CMTM4: variants seen among roughly 807,000 people sequenced by gnomAD.
CMTM4 encodes the protein CKLF-like MARVEL transmembrane domain-containing protein 4.
CMTM4 carries 8 observed loss-of-function variants against 19.0 expected under a neutral mutation model. The observed-to-expected ratio is 0.42, with a 90% CI of 0.25 to 0.76. CMTM4 has a LOEUF of 0.76. CMTM4 is among the 30% of genes least tolerant of loss of function. The probability of loss-of-function intolerance (pLI) is 0.27; values close to 1 mark genes in which losing one functional copy is unlikely to be tolerated. For synonymous variants in CMTM4, 106 were observed against 121.1 expected (o/e 0.88, Z 0.82); for missense variants, 228 against 290.2 (o/e 0.79, Z 1.56).
rs1301996648 is a variant in CMTM4 at position 66,617,213 on chromosome 16, CAT to C, written c.*4843_*4844del. 86 of 1,520,994 alleles carry C rather than the reference CAT, an allele frequency of 5.7e-5. No individual in the cohort carries two copies. The highest frequency in any genetic ancestry group is 7.3e-5 in the Non-Finnish European group (81 of 1,109,150). The allele number at this position is 1,520,994 out of a possible 1,614,324, so 94.2% of individuals were successfully genotyped here. A position where few individuals can be genotyped will look rare whatever the true frequency, so the allele number is the denominator to read the frequency against. On this transcript the variant is annotated 3_prime_UTR_variant, in exon 4 of 4. Transcript: ENST00000394106. ...TAAAGCCTCAGCATAAAAAAACAAA[CAT>C]AGACAACAAACTTACCCTATGAAAT... is the stretch of plus-strand genomic sequence containing the variant.
chr16:66,639,380 A>G (rs929024231), intron 1 of CMTM4, among the ~76,000 whole-genome samples: 2 of 152,216 alleles, frequency 1.3e-5, no homozygotes, highest in Non-Finnish European at 2.9e-5. Flanking sequence ...GGCTTCACGG[A>G]TATGCAAATC....
At chr16:66,603,609 C>T in the CMTM4 span, among the ~76,000 whole-genome samples, 59 of 152,142 alleles carry the variant, frequency 3.9e-4, 1 homozygote, top group Admixed American at 3.9e-3. Context: ...TTAAACAAAA[C>T]ATCTTGCCCT....
intron 2 of CMTM4, among the ~76,000 whole-genome samples, chr16:66,635,636 C>T (rs746911914): frequency 3.3e-5 from 5 of 152,352 alleles, no homozygotes; most frequent in East Asian, 3.9e-4. Context: ...GAGGTGCCCA[C>T]GGCGTTCTCA....
At chr16:66,598,810 C>T in the CMTM4 span, among the ~76,000 whole-genome samples, 2 of 152,098 alleles carry the variant, frequency 1.3e-5, no homozygotes, top group African/African-American at 4.8e-5. Context: ...ATCCCTTCAC[C>T]TGTTGATGGC....
chr16:66,675,660 G>A (rs2016797534), intron 1 of CMTM4, among the ~76,000 whole-genome samples: 1 of 151,862 alleles, frequency 6.6e-6, no homozygotes, highest in Non-Finnish European at 1.5e-5. Context: ...CTTTTCCAAA[G>A]CATCTAGTGA....
chr16:66,599,171 T>A, the CMTM4 span, among the ~76,000 whole-genome samples: 1 of 151,774 alleles, frequency 6.6e-6, no homozygotes, highest in Admixed American at 6.6e-5. Context: ...ACACCTGTAA[T>A]CTCAACTACT....
At chr16:66,609,974 C>T, downstream of CMTM4, 1 of 1,614,204 alleles carries the variant, frequency 6.2e-7, no homozygotes, top group African/African-American at 1.3e-5. This position sits in a 1 kb window ranked among gnomAD's most constrained non-coding sequence, Gnocchi z 4.4. Context: ...GGGGACTCTG[C>T]AGATGAGACC....
At chr16:66,601,088 T>A in the CMTM4 span, among the ~76,000 whole-genome samples, 4 of 147,662 alleles carry the variant, frequency 2.7e-5, no homozygotes, top group Non-Finnish European at 4.5e-5. Flanking sequence ...ATGGTTTGTG[T>A]GTGTGTGTGT....
At chr16:66,692,014 A>G (rs927760446) in intron 1 of CMTM4, among the ~76,000 whole-genome samples, 1 of 152,086 alleles carries the variant, frequency 6.6e-6, no homozygotes, top group African/African-American at 2.4e-5. Context: ...AGGTATTGGC[A>G]GTCTCATTTT....
the CMTM4 span, among the ~76,000 whole-genome samples, chr16:66,606,940 A>G: frequency 2.0e-5 from 3 of 152,206 alleles, no homozygotes; most frequent in Admixed American, 2.0e-4. Context: ...GTTGCAGTGA[A>G]CTGAGATCGT....
chr16:66,646,304 CT>C (rs1461731933), intron 1 of CMTM4, among the ~76,000 whole-genome samples: 1 of 151,906 alleles, frequency 6.6e-6, no homozygotes. Flanking sequence ...GAGATTTTAC[CT>C]TTTTTAATTA....
chr16:66,651,531 G>A (rs1387593680), intron 1 of CMTM4, among the ~76,000 whole-genome samples: 1 of 152,082 alleles, frequency 6.6e-6, no homozygotes, highest in Non-Finnish European at 1.5e-5. Context: ...TCCATCGTGT[G>A]GCCAGGTCCC....
At chr16:66,641,081 T>C (rs1386606931) in intron 1 of CMTM4, among the ~76,000 whole-genome samples, 1 of 152,224 alleles carries the variant, frequency 6.6e-6, no homozygotes, top group Non-Finnish European at 1.5e-5. Context: ...AGGGTCTTCC[T>C]CTGTCACCCA....
At chr16:66,644,359 G>A (rs1417038025) in intron 1 of CMTM4, among the ~76,000 whole-genome samples, 5 of 152,146 alleles carry the variant, frequency 3.3e-5, no homozygotes, top group East Asian at 3.8e-4. Context: ...TGTGTACACC[G>A]AAATGTCAGG....
At chr16:66,609,157 A>G in the CMTM4 span, among the ~76,000 whole-genome samples, 2 of 151,506 alleles carry the variant, frequency 1.3e-5, no homozygotes, top group African/African-American at 4.9e-5. The surrounding 1 kb of genome is among the most constrained non-coding windows in gnomAD (Gnocchi z 4.4). Context: ...CTTCCACCGC[A>G]TCGCAGGGCA....
At chr16:66,634,681 T>C (rs2015956847) in intron 2 of CMTM4, among the ~76,000 whole-genome samples, 1 of 151,926 alleles carries the variant, frequency 6.6e-6, no homozygotes, top group East Asian at 1.9e-4. Flanking sequence ...AGATGAACAT[T>C]GCTGCACTGG....
intron 1 of CMTM4, among the ~76,000 whole-genome samples, chr16:66,681,776 C>A (rs904455736): frequency 5.3e-5 from 8 of 152,156 alleles, no homozygotes; most frequent in African/African-American, 1.9e-4. Flanking sequence ...CCTGGGTCCC[C>A]CTCATCTTGC....
In CMTM4 at chr16:66,617,454, C is replaced by CACT; in HGVS notation, c.*4601_*4603dup. On this transcript the variant is annotated 3_prime_UTR_variant, in exon 4 of 4. Coordinates refer to ENST00000394106, the MANE Select transcript of CMTM4 (RefSeq NM_181521.3). The stretch of plus-strand genomic sequence containing the variant: ...AAAGAAGGGAAAATACAATAGGACC[C>CACT]ACTCCGCTTCAAGCTAAAGAGTGTA... 1 of 1,507,170 alleles carries CACT rather than the reference C, an allele frequency of 6.6e-7. No homozygotes were observed. Among genetic ancestry groups the CACT allele is most frequent in the Non-Finnish European group, 8.9e-7 (1 of 1,129,868 alleles). 93.4% of individuals were successfully genotyped at this position (1,507,170 alleles called of 1,614,324 possible). A position where few individuals can be genotyped will look rare whatever the true frequency, so the allele number is the denominator to read the frequency against.
intron 1 of CMTM4, among the ~76,000 whole-genome samples, chr16:66,694,590 G>A (rs1411419193): frequency 1.3e-5 from 2 of 151,668 alleles, no homozygotes; most frequent in Non-Finnish European, 2.9e-5. Flanking sequence ...GTGGGCGCCT[G>A]TAATCCCAGC....
Sources: gnomAD v4.1 joint callset for allele counts (sites outside exome capture counted in the v4.1 genomes callset) on GRCh38, gnomAD v4.1.1 for gene constraint, Gnocchi (gnomAD v3.1) non-coding constraint, MANE v1.5 for transcripts, NCBI Gene and HGNC (gene_info 2026-07-23, HGNC 2026-07-21) for gene names.